The following FAM149A variants were observed in gnomAD, a reference collection of about 807,000 sequenced individuals.
The protein encoded by FAM149A is protein FAM149A.
FAM149A carries 71 observed loss-of-function variants against 78.2 expected under a neutral mutation model. The observed-to-expected ratio is 0.91, with a 90% CI of 0.75 to 1.11. The LOEUF is 1.11. Among genes scored for constraint, FAM149A ranks in the 50% least tolerant of loss-of-function variants. The probability of loss-of-function intolerance (pLI) is 0.00; values close to 1 mark genes in which losing one functional copy is unlikely to be tolerated. For synonymous variants in FAM149A, 446 were observed against 410.5 expected, an observed-to-expected ratio of 1.09 and a Z score of -1.04; for missense variants, 1,036 against 971.0, an observed-to-expected ratio of 1.07 and a Z score of -0.89.
At chr4:186,165,270 C>T in intron 10 of FAM149A, 74 bp from the exon 11 acceptor site, 1 of 1,552,310 alleles carries the variant, frequency 6.4e-7, no homozygotes, top group Non-Finnish European at 8.9e-7. Context: ...GAAATCACAG[C>T]TCTTGGCAGA....
intron 1 of FAM149A, among the ~76,000 whole-genome samples, chr4:186,120,568 T>G (rs996251624): frequency 6.6e-6 from 1 of 151,660 alleles, no homozygotes; most frequent in Non-Finnish European, 1.5e-5. Context: ...CCGAGGCAGG[T>G]GGATCACGAG....
At position 186,144,049 on chromosome 4, in the gene FAM149A, A is replaced by G. The variant is rs568792800; in HGVS notation, c.567-5124A>G. 1.6e-3 allele frequency: 242 copies of G among 152,274 alleles called. 2 individuals carry two copies. The highest frequency in any genetic ancestry group is 5.7e-3 in the African/African-American group (238 of 41,544). 9.4% of individuals were successfully genotyped at this position (152,274 alleles called of 1,614,324 possible). A position where few individuals can be genotyped will look rare whatever the true frequency, so the allele number is the denominator to read the frequency against. On this transcript the variant is annotated intron_variant, in intron 1 of 13. Transcript: ENST00000389354. The surrounding 1 kb of genome is among the most constrained non-coding windows in gnomAD (Gnocchi z 4.2). Reference sequence around the variant, plus strand: ...GGGGATGAGTGTTGTACCGGCACCCAGTGCACTAACTGTCATTACTAAAAT... The same window carrying G: ...GGGGATGAGTGTTGTACCGGCACCCGGTGCACTAACTGTCATTACTAAAAT...
chr4:186,153,017 T>A (rs946306209), intron 4 of FAM149A, among the ~76,000 whole-genome samples: 1 of 151,996 alleles, frequency 6.6e-6, no homozygotes, highest in African/African-American at 2.4e-5. Context: ...CTTGACCAAC[T>A]AGGGTTGTTT....
chr4:186,135,831 G>C lies in FAM149A; in HGVS notation c.567-13342G>C, dbSNP rs544616417. Among the ~76,000 whole-genome samples, 251 of 152,340 alleles carry C rather than the reference G, an allele frequency of 1.6e-3. 1 individual carries two copies. Among genetic ancestry groups the C allele is most frequent in the Non-Finnish European group, 9.7e-4 (66 of 68,024 alleles). On this transcript the variant is annotated intron_variant, in intron 1 of 13. Coordinates refer to ENST00000389354, the MANE Select transcript of FAM149A (RefSeq NM_001367768.3). ...AATAGACCCACAAAAGTGCACACTTGTTGACAGCGTGAGAGCTGAAACAAG... is the reference window on the plus strand; with the variant it reads ...AATAGACCCACAAAAGTGCACACTTCTTGACAGCGTGAGAGCTGAAACAAG...
intron 1 of FAM149A, among the ~76,000 whole-genome samples, chr4:186,145,391 CCT>C (rs931210192): frequency 5.3e-5 from 8 of 152,146 alleles, no homozygotes; most frequent in Non-Finnish European, 7.4e-5. Flanking sequence ...CTGGAGTGCC[CCT>C]GTGTGTCCCC....
chr4:186,158,745 C>T (rs527313731), intron 8 of FAM149A: 123 of 1,079,404 alleles, frequency 1.1e-4, no homozygotes, highest in South Asian at 3.4e-4. Flanking sequence ...ATTCAGCCGT[C>T]CCTACTGCAG....
chr4:186,110,200 G>A (rs1454487041), intron 1 of FAM149A: 1 of 985,220 alleles, frequency 1.0e-6, no homozygotes, highest in Non-Finnish European at 1.2e-6. Context: ...ATAATCCACT[G>A]TCATGGGTTT....
intron 4 of FAM149A, among the ~76,000 whole-genome samples, chr4:186,152,751 A>G (rs1733699923): frequency 1.3e-5 from 2 of 151,468 alleles, no homozygotes; most frequent in South Asian, 4.2e-4. Flanking sequence ...TCACCGTGTT[A>G]GCCAGGATGG....
At chr4:186,160,667 C>T (rs1035818944) in intron 8 of FAM149A, 16 of 358,788 alleles carry the variant, frequency 4.5e-5, no homozygotes, top group Admixed American at 6.6e-5. Flanking sequence ...ACACACCCCA[C>T]ACATACACAC....
chr4:186,127,583 A>G (rs2099318866), intron 1 of FAM149A: 1 of 985,334 alleles, frequency 1.0e-6, no homozygotes, highest in South Asian at 4.7e-5. Flanking sequence ...AAGCAGTTTC[A>G]TGAGTGTTTG....
intron 1 of FAM149A, among the ~76,000 whole-genome samples, chr4:186,118,659 C>T (rs2099314724): frequency 6.6e-6 from 1 of 152,114 alleles, no homozygotes; most frequent in Admixed American, 6.5e-5. Context: ...CCAATGATGA[C>T]ATTATCTTTT....
At position 186,174,325 on chromosome 4, in the gene FAM149A, G is replaced by A. The variant is rs56242926; in HGVS notation, c.*2338G>A. 0.092 allele frequency among the ~76,000 whole-genome samples: 10,048 copies of A among 109,800 alleles called. 3,138 individuals carry two copies. The highest frequency in any genetic ancestry group is 0.12 in the Admixed American group (1,344 of 11,064). 72.0% of individuals were successfully genotyped at this position (109,800 alleles called of 152,430 possible). On this transcript the variant is annotated 3_prime_UTR_variant, in exon 14 of 14. Coordinates refer to ENST00000389354, the MANE Select transcript of FAM149A (RefSeq NM_001367768.3). ...TTAGCTCCCACTTAGAAGTGAGAAC[G>A]GATGGCATTTGTTTTTCTGTTTCTG...
chr4:186,135,231 C>G (rs1245958029), intron 1 of FAM149A, among the ~76,000 whole-genome samples: 1 of 152,198 alleles, frequency 6.6e-6, no homozygotes. Context: ...TTTGCCTCTA[C>G]TCTCACGTTT....
rs754313295 is a variant in FAM149A at position 186,162,958 on chromosome 4, A to C, written c.1679+10A>C. The C allele has an allele frequency of 6.6e-7, 1 of 1,516,016 alleles. No individual in the cohort carries two copies. The highest frequency in any genetic ancestry group is 1.7e-5 in the Admixed American group (1 of 58,908). 93.9% of individuals were successfully genotyped at this position (1,516,016 alleles called of 1,614,324 possible). A position where few individuals can be genotyped will look rare whatever the true frequency, so the allele number is the denominator to read the frequency against. On this transcript the variant is annotated intron_variant, in intron 9 of 13. Transcript: ENST00000389354. Reference sequence around the variant, plus strand: ...TTGCTGACAGAACGCAGTACGTATCAGAATCAGTAGTAGTTACCCAGCCTC... The same window carrying C: ...TTGCTGACAGAACGCAGTACGTATCCGAATCAGTAGTAGTTACCCAGCCTC...
intron 1 of FAM149A, among the ~76,000 whole-genome samples, chr4:186,127,921 C>T (rs1454970752): frequency 1.3e-5 from 2 of 148,894 alleles, no homozygotes; most frequent in Non-Finnish European, 3.0e-5. Context: ...GTCCTGACTT[C>T]AGTTGATCCT....
In FAM149A at chr4:186,162,859, C is replaced by A; in HGVS notation, c.1590C>A (p.Ser530=). ...ACTGTTCTCAGATTCATCACTTCTC[C>A]AGCAGTTTTTATAGTGACATGAATG... is the stretch of plus-strand genomic sequence containing the variant. The change falls in exon 9 of 14, where the codon TCC becomes TCA. Residue 530 remains serine (S), a synonymous_variant. Transcript: ENST00000389354. The A allele has an allele frequency of 1.5e-6, 2 of 1,346,196 alleles. No individual in the cohort carries two copies. The highest frequency in any genetic ancestry group is 2.1e-6 in the Non-Finnish European group (2 of 949,258). 83.4% of individuals were successfully genotyped at this position (1,346,196 alleles called of 1,614,324 possible). A position where few individuals can be genotyped will look rare whatever the true frequency, so the allele number is the denominator to read the frequency against.
chr4:186,152,954 G>A (rs1414688769), intron 4 of FAM149A, among the ~76,000 whole-genome samples: 4 of 152,128 alleles, frequency 2.6e-5, no homozygotes, highest in Non-Finnish European at 5.9e-5. Context: ...GAACACTCAT[G>A]TAAATGTGGC....
At chr4:186,117,927 T>A in intron 1 of FAM149A, 1 of 985,280 alleles carries the variant, frequency 1.0e-6, no homozygotes, top group Non-Finnish European at 1.2e-6. Flanking sequence ...GGGCTGAAGA[T>A]GATGTCAGGT....
At chr4:186,141,187 GGTT>G (rs1159569733) in intron 1 of FAM149A, among the ~76,000 whole-genome samples, 1 of 152,030 alleles carries the variant, frequency 6.6e-6, no homozygotes, top group African/African-American at 2.4e-5. Context: ...CTTGTTTATG[GGTT>G]GTTTTTTTCT....
Sources: gnomAD v4.1 joint callset for allele counts (sites outside exome capture counted in the v4.1 genomes callset) on GRCh38, gnomAD v4.1.1 for gene constraint, Gnocchi (gnomAD v3.1) non-coding constraint, MANE v1.5 for transcripts, NCBI Gene and HGNC (gene_info 2026-07-23, HGNC 2026-07-21) for gene names.